Variants in FAM184A observed in about 807,000 individuals in gnomAD.
The protein encoded by FAM184A is protein FAM184A.
A neutral mutation model predicts 143.8 loss-of-function variants in FAM184A; 99 were observed. The observed-to-expected ratio is 0.69, with a 90% CI of 0.58 to 0.81. The LOEUF (loss-of-function observed/expected upper bound fraction) is 0.81, where lower values mean the gene tolerates loss of function less well. Ranked by LOEUF, FAM184A falls within the 40% of genes least tolerant of loss-of-function variation. The pLI is 0.00. For synonymous variants in FAM184A, 427 were observed against 446.4 expected (o/e 0.96, Z 0.55); for missense variants, 1,217 against 1,310.5 (o/e 0.93, Z 1.10).
At chr6:119,084,069 T>A (rs1293214683) in intron 1 of FAM184A, among the ~76,000 whole-genome samples, 1 of 150,464 alleles carries the variant, frequency 6.6e-6, no homozygotes, top group Non-Finnish European at 1.5e-5. Flanking sequence ...CATCTTACAT[T>A]GTGGCAGGAG....
chr6:119,071,778 A>G (rs79587507), intron 1 of FAM184A, among the ~76,000 whole-genome samples: 2,690 of 151,632 alleles, frequency 0.018, 36 homozygotes, highest in South Asian at 0.045. Context: ...GTAATCTTCA[A>G]ATGGCACCGA....
At position 118,974,564 on chromosome 6, in the gene FAM184A, G is replaced by T. The variant is rs752589437; in HGVS notation, c.2779C>A (p.Gln927Lys). Reference protein sequence around the residue: ...ESNQQIRLHEQDLNKRLEKEL... With the variant: ...ESNQQIRLHEKDLNKRLEKEL... The stretch of plus-strand genomic sequence containing the variant: ...TTTTCAAGTCTCTTGTTTAAATCTT[G>T]TTCATGCAACCTGTTTGATTTATTT... Residue 927 changes from glutamine (Q) to lysine (K), a missense_variant, in exon 14 of 18, where the codon CAA becomes AAA. Coordinates refer to ENST00000338891, the MANE Select transcript of FAM184A (RefSeq NM_024581.6). 5.6e-6 allele frequency: 9 copies of T among 1,597,344 alleles called. No individual in the cohort carries two copies. In the African/African-American group the frequency reaches 1.1e-4, roughly 19 times the overall value.
chr6:119,091,287 G>A (rs1303176958), intron 1 of FAM184A, among the ~76,000 whole-genome samples: 2 of 152,220 alleles, frequency 1.3e-5, no homozygotes, highest in East Asian at 3.8e-4. Flanking sequence ...CGCTGGGTAT[G>A]ACGGTGAGAG....
Position 119,020,166 on chromosome 6 carries a change from C to A in FAM184A, c.1151-7G>T, listed in dbSNP as rs757551450. 6.6e-7 allele frequency: 1 copy of A among 1,513,208 alleles called. No individual in the cohort carries two copies. The highest frequency in any genetic ancestry group is 8.8e-7 in the Non-Finnish European group (1 of 1,135,758). 93.7% of individuals were successfully genotyped at this position (1,513,208 alleles called of 1,614,324 possible). ...TGAAGCATTCCAATATGACCTATCC[C>A]CCAAAAAGAAAATCCCTTCAATTTA... On this transcript the variant is annotated splice_polypyrimidine_tract_variant and splice_region_variant and intron_variant, in intron 3 of 17. Coordinates refer to ENST00000338891, the MANE Select transcript of FAM184A (RefSeq NM_024581.6).
intron 13 of FAM184A, 28 bp downstream of exon 13, chr6:118,974,996 A>C: frequency 5.2e-6 from 8 of 1,539,594 alleles, no homozygotes; most frequent in Non-Finnish European, 7.1e-6. Flanking sequence ...GACACTGCAT[A>C]TTCCTTCTGT....
At chr6:118,966,607 G>T (rs1463738816) in intron 15 of FAM184A, among the ~76,000 whole-genome samples, 6 of 151,976 alleles carry the variant, frequency 3.9e-5, no homozygotes, top group Admixed American at 2.6e-4. Context: ...GTATCAAAAA[G>T]ACTTTCTTTT....
intron 1 of FAM184A, among the ~76,000 whole-genome samples, chr6:119,094,810 G>A (rs918392947): frequency 1.3e-5 from 2 of 152,012 alleles, no homozygotes; most frequent in African/African-American, 4.8e-5. Flanking sequence ...TTACCGCAGT[G>A]GGCAATTGGG....
At position 119,024,816 on chromosome 6, in the gene FAM184A, G is replaced by T; in HGVS notation, c.160-3C>A. 1 of 1,577,458 alleles carries T rather than the reference G, an allele frequency of 6.3e-7. No individual in the cohort carries two copies. The highest frequency in any genetic ancestry group is 8.6e-7 in the Non-Finnish European group (1 of 1,165,804). On this transcript the variant is annotated splice_region_variant and splice_polypyrimidine_tract_variant and intron_variant, in intron 1 of 17. Coordinates refer to ENST00000338891, the MANE Select transcript of FAM184A (RefSeq NM_024581.6). ...TTAGTGTTTAAAGCATATATTACCT[G>T]CATGGTTTTGAATAAGAAGGGAGAA...
intron 1 of FAM184A, among the ~76,000 whole-genome samples, chr6:119,068,138 CTGG>C (rs1429747945): frequency 5.3e-5 from 8 of 150,312 alleles, no homozygotes; most frequent in Non-Finnish European, 8.9e-5. Context: ...CCTCCGCCTC[CTGG>C]GTTCAAGCAA....
chr6:119,070,911 A>T (rs1399602100), intron 1 of FAM184A, among the ~76,000 whole-genome samples: 2 of 71,270 alleles, frequency 2.8e-5, no homozygotes, highest in East Asian at 6.3e-4. Context: ...GATTTTCTTT[A>T]AAAAAAAAAA....
intron 1 of FAM184A, among the ~76,000 whole-genome samples, chr6:119,125,359 T>C (rs966622867): frequency 3.9e-5 from 6 of 152,184 alleles, no homozygotes; most frequent in Non-Finnish European, 8.8e-5. Flanking sequence ...CACTGCAACC[T>C]CCGCCTCCCA....
chr6:119,008,418 C>T (rs1004164754), intron 6 of FAM184A, among the ~76,000 whole-genome samples: 4 of 152,138 alleles, frequency 2.6e-5, no homozygotes, highest in South Asian at 2.1e-4. Flanking sequence ...GCCAGCTCCA[C>T]GTATACCTCA....
chr6:119,129,830 T>C (rs1789486413), intron 1 of FAM184A, among the ~76,000 whole-genome samples: 1 of 152,178 alleles, frequency 6.6e-6, no homozygotes, highest in Non-Finnish European at 1.5e-5. Flanking sequence ...AGTTTAGAAA[T>C]ATGTAGATTT....
At chr6:119,084,511 G>C (rs1449588455) in intron 1 of FAM184A, among the ~76,000 whole-genome samples, 5 of 152,226 alleles carry the variant, frequency 3.3e-5, no homozygotes, top group Non-Finnish European at 7.3e-5. Flanking sequence ...CAGGGTTCAG[G>C]CCCCACAGTT....
chr6:119,048,681 C>T (rs1786628434), intron 1 of FAM184A, among the ~76,000 whole-genome samples: 1 of 152,072 alleles, frequency 6.6e-6, no homozygotes, highest in Admixed American at 6.6e-5. Context: ...CAAAACATCC[C>T]GTTCTCACTT....
rs148350856 is a variant in FAM184A, at chr6:119,090,439, A to C, written c.-202+58639T>G. Reference sequence around the variant, plus strand: ...GGGAGTCAGGAAGGCAGAGAGATCCAGCAGGTGCTTGAGGGAAAACTGTGG... The same window carrying C: ...GGGAGTCAGGAAGGCAGAGAGATCCCGCAGGTGCTTGAGGGAAAACTGTGG... On this transcript the variant is annotated intron_variant, in intron 1 of 16. Coordinates refer to the FAM184A transcript ENST00000352896. Among the ~76,000 whole-genome samples, 59 of 152,346 alleles carry C rather than the reference A, an allele frequency of 3.9e-4. 1 individual carries two copies. The highest frequency in any genetic ancestry group is 1.3e-3 in the African/African-American group (53 of 41,588).
chr6:119,119,376 G>C (rs535511786), intron 1 of FAM184A, among the ~76,000 whole-genome samples: 111 of 152,224 alleles, frequency 7.3e-4, no homozygotes, highest in African/African-American at 2.6e-3. Context: ...TTACAGCTCA[G>C]GGGGCATCAC....
At chr6:119,095,607 A>G (rs1788485234) in intron 1 of FAM184A, among the ~76,000 whole-genome samples, 1 of 152,068 alleles carries the variant, frequency 6.6e-6, no homozygotes. Context: ...TGCCCAGGCT[A>G]CAGTGCAATG....
chr6:119,146,397 C>CGTGTGTGTGTGT (rs60937351), intron 1 of FAM184A, among the ~76,000 whole-genome samples: 73 of 136,390 alleles, frequency 5.4e-4, no homozygotes, highest in South Asian at 1.1e-3. Context: ...GATTAACTTA[C>CGTGTGTGTGTGT]GTGTGTGTGT....
Sources: allele counts gnomAD v4.1 joint callset (sites outside exome capture counted in the v4.1 genomes callset), GRCh38; gene constraint gnomAD v4.1.1; transcripts MANE v1.5; gene names NCBI Gene and HGNC (gene_info 2026-07-23, HGNC 2026-07-21).